Variants in GNB1 observed in about 807,000 individuals in gnomAD.
The protein encoded by GNB1 is G protein subunit beta 1, also known as guanine nucleotide-binding protein G(I)/G(S)/G(T) subunit beta-1.
In GNB1, 2 loss-of-function variants were observed where a neutral mutation model predicts 42.9. The observed-to-expected ratio is 0.05, with a 90% CI of 0.02 to 0.15. The LOEUF is 0.15. Ranked by LOEUF, GNB1 falls within the 10% of genes least tolerant of loss-of-function variation. The pLI, the probability that GNB1 is intolerant of heterozygous loss-of-function variation, is 1.00. For missense variants in GNB1, 193 were observed against 462.2 expected (o/e 0.42, Z 5.34); for synonymous variants, 183 against 174.7 (o/e 1.05, Z -0.38).
At chr1:1,854,646 C>T (rs1156995084) in intron 1 of GNB1, among the ~76,000 whole-genome samples, 1 of 152,218 alleles carries the variant, frequency 6.6e-6, no homozygotes, top group African/African-American at 2.4e-5. Context: ...TTGGCTCATG[C>T]CTGTAATCCC....
intron 1 of GNB1, among the ~76,000 whole-genome samples, chr1:1,887,414 G>C (rs1012188685): frequency 6.6e-6 from 1 of 152,128 alleles, no homozygotes; most frequent in Non-Finnish European, 1.5e-5. Flanking sequence ...TTTTCCAGTG[G>C]ACCAACACAC....
chr1:1,854,882 C>T (rs1472168581), intron 1 of GNB1, among the ~76,000 whole-genome samples: 5 of 151,992 alleles, frequency 3.3e-5, no homozygotes, highest in Admixed American at 1.3e-4. Context: ...AAAATACATC[C>T]GGGCGTGGTG....
chr1:1,806,408 G>A, intron 6 of GNB1, 67 bp downstream of exon 6: 1 of 945,616 alleles, frequency 1.1e-6, no homozygotes, highest in East Asian at 2.4e-5. Context: ...TTAACAAAAT[G>A]AATCCAGAGC....
At chr1:1,841,976 A>G (rs1237006639) in intron 1 of GNB1, among the ~76,000 whole-genome samples, 2 of 152,236 alleles carry the variant, frequency 1.3e-5, no homozygotes, top group African/African-American at 4.8e-5. Context: ...GATGAATAAA[A>G]TGTGGTCTAT....
intron 1 of GNB1, among the ~76,000 whole-genome samples, chr1:1,861,618 G>A (rs1284598098): frequency 6.6e-6 from 1 of 151,882 alleles, no homozygotes; most frequent in Non-Finnish European, 1.5e-5. Flanking sequence ...TGGGGGAGAA[G>A]TGATGGAGGG....
chr1:1,829,151 G>C (rs1198631576), intron 2 of GNB1, among the ~76,000 whole-genome samples: 4 of 152,070 alleles, frequency 2.6e-5, no homozygotes, highest in African/African-American at 7.2e-5. Flanking sequence ...CTGCCTCCCA[G>C]GTTCAAGTGA....
chr1:1,862,606 C>T (rs1648695755), intron 1 of GNB1, among the ~76,000 whole-genome samples: 1 of 151,722 alleles, frequency 6.6e-6, no homozygotes, highest in African/African-American at 2.4e-5. Context: ...GGACTACAAG[C>T]CGTGCTCTGA....
At chr1:1,791,560 C>A (rs1045298953) in intron 8 of GNB1, among the ~76,000 whole-genome samples, 1 of 152,218 alleles carries the variant, frequency 6.6e-6, no homozygotes, top group Non-Finnish European at 1.5e-5. Flanking sequence ...AGAAGCCTGG[C>A]TCAGGTGTAA....
chr1:1,829,302 C>T lies in GNB1; in HGVS notation c.-46-3803G>A, dbSNP rs570796368. Among the ~76,000 whole-genome samples the T allele has an allele frequency of 3.9e-5, 6 of 152,130 alleles. No homozygotes were observed. In the South Asian group the frequency reaches 8.3e-4, roughly 21 times the overall value. On this transcript the variant is annotated intron_variant, in intron 2 of 11. Transcript: ENST00000378609. Reference sequence around the variant, plus strand: ...AACTCCTGACCTCAGGTGATCCGCCCGCCTCGGCCTCCCAAATGCCGGGAT... The same window carrying T: ...AACTCCTGACCTCAGGTGATCCGCCTGCCTCGGCCTCCCAAATGCCGGGAT...
intron 1 of GNB1, among the ~76,000 whole-genome samples, chr1:1,886,861 A>G (rs552635287): frequency 5.4e-4 from 82 of 152,092 alleles, no homozygotes; most frequent in Non-Finnish European, 1.1e-3. Context: ...GCCCAGCACC[A>G]CGCCCAGCTA....
chr1:1,814,797 CAAAAAAAAAA>C (rs66588627), intron 5 of GNB1, among the ~76,000 whole-genome samples: 34 of 77,604 alleles, frequency 4.4e-4, no homozygotes, highest in African/African-American at 4.6e-4. Flanking sequence ...GACCCTGTCT[CAAAAAAAAAA>C]AAAAAAAAAA....
intron 4 of GNB1, among the ~76,000 whole-genome samples, chr1:1,816,271 G>A (rs1185512697): frequency 1.3e-5 from 2 of 152,136 alleles, no homozygotes; most frequent in Non-Finnish European, 2.9e-5. Context: ...TGGTTCCTAT[G>A]TCAGGCTATG....
chr1:1,818,017 C>T, intron 3 of GNB1, 142 bp from the exon 4 acceptor site: 1 of 645,794 alleles, frequency 1.5e-6, no homozygotes, highest in East Asian at 2.8e-5. Context: ...AGTCTCCTTG[C>T]ATCTCAACAC....
rs1416410421 is a variant in GNB1, at chr1:1,790,600, G to A, written c.498-4C>T. 1.2e-6 allele frequency: 2 copies of A among 1,606,882 alleles called. No homozygotes were observed. Among genetic ancestry groups the A allele is most frequent in the African/African-American group, 2.7e-5 (2 of 74,874 alleles). Reference sequence around the variant, plus strand: ...GGTCTCGATGTCCCACAGGGCACTGGAGCAGGAGCGAATGACAAGGGGACA... The same window carrying A: ...GGTCTCGATGTCCCACAGGGCACTGAAGCAGGAGCGAATGACAAGGGGACA... On this transcript the variant is annotated splice_polypyrimidine_tract_variant and splice_region_variant and intron_variant, in intron 8 of 11. Transcript: ENST00000378609. This position sits in a 1 kb window ranked among gnomAD's most constrained non-coding sequence, Gnocchi z 5.4.
chr1:1,881,610 G>A (rs867292269), intron 1 of GNB1, among the ~76,000 whole-genome samples: 1 of 152,086 alleles, frequency 6.6e-6, no homozygotes, highest in African/African-American at 2.4e-5. Flanking sequence ...ATGTTGGCCA[G>A]GCTGGTCTCA....
At chr1:1,863,978 C>A (rs1274418881) in intron 1 of GNB1, among the ~76,000 whole-genome samples, 2 of 152,120 alleles carry the variant, frequency 1.3e-5, no homozygotes, top group Admixed American at 1.3e-4. Context: ...GCGGGTGGAT[C>A]CAGTTTGGGC....
chr1:1,826,091 AT>A (rs1211140041), intron 2 of GNB1, among the ~76,000 whole-genome samples: 2 of 152,186 alleles, frequency 1.3e-5, no homozygotes, highest in Non-Finnish European at 2.9e-5. Context: ...TCATAAAAAA[AT>A]CTAGGTCTCC....
At chr1:1,877,648 T>C (rs1436319812) in intron 1 of GNB1, among the ~76,000 whole-genome samples, 1 of 152,090 alleles carries the variant, frequency 6.6e-6, no homozygotes, top group African/African-American at 2.4e-5. Context: ...CCTAATTTAC[T>C]ACAATGAACA....
intron 1 of GNB1, among the ~76,000 whole-genome samples, chr1:1,869,605 T>G (rs1002383303): frequency 1.3e-5 from 2 of 152,170 alleles, no homozygotes; most frequent in African/African-American, 2.4e-5. Flanking sequence ...GAGGTGGCAG[T>G]AGAGGAGCCT....
Sources: gnomAD v4.1 joint callset for allele counts (sites outside exome capture counted in the v4.1 genomes callset) on GRCh38, gnomAD v4.1.1 for gene constraint, Gnocchi (gnomAD v3.1) non-coding constraint, MANE v1.5 for transcripts, NCBI Gene and HGNC (gene_info 2026-07-23, HGNC 2026-07-21) for gene names.